HS3ST4: variants seen among roughly 807,000 people sequenced by gnomAD.
HS3ST4 encodes heparan sulfate glucosamine 3-O-sulfotransferase 4.
A neutral mutation model predicts 29.2 loss-of-function variants in HS3ST4; 17 were observed. The observed-to-expected ratio is 0.58, with a 90% CI of 0.40 to 0.87. HS3ST4 has a LOEUF of 0.87. Among genes scored for constraint, HS3ST4 ranks in the 40% least tolerant of loss-of-function variants. The pLI, the probability that HS3ST4 is intolerant of heterozygous loss-of-function variation, is 0.00. For synonymous variants in HS3ST4, 314 were observed against 285.7 expected, an observed-to-expected ratio of 1.10 and a Z score of -1.00; for missense variants, 627 against 634.5, an observed-to-expected ratio of 0.99 and a Z score of 0.13.
At chr16:25,822,377 C>G (rs1405570660) in intron 1 of HS3ST4, among the ~76,000 whole-genome samples, 1 of 152,142 alleles carries the variant, frequency 6.6e-6, no homozygotes, top group African/African-American at 2.4e-5. Flanking sequence ...AACGCCTCAC[C>G]TCTTAATACT....
At chr16:25,915,587 T>C (rs1386631459) in intron 1 of HS3ST4, among the ~76,000 whole-genome samples, 1 of 152,204 alleles carries the variant, frequency 6.6e-6, no homozygotes, top group African/African-American at 2.4e-5. Context: ...TTCCTGTCCA[T>C]CATCATATCA....
At chr16:25,793,492 G>T (rs1966874923) in intron 1 of HS3ST4, among the ~76,000 whole-genome samples, 2 of 151,912 alleles carry the variant, frequency 1.3e-5, no homozygotes, top group Admixed American at 1.3e-4. Flanking sequence ...TAGAATGCTT[G>T]TATCTTCCAG....
At chr16:25,936,943 G>C (rs544344277) in intron 1 of HS3ST4, among the ~76,000 whole-genome samples, 13 of 152,302 alleles carry the variant, frequency 8.5e-5, no homozygotes, top group Admixed American at 8.5e-4. Flanking sequence ...AGATATTTGT[G>C]CTTTGTACCA....
intron 1 of HS3ST4, among the ~76,000 whole-genome samples, chr16:25,772,643 A>G (rs1966843980): frequency 6.6e-6 from 1 of 152,220 alleles, no homozygotes; most frequent in Non-Finnish European, 1.5e-5. Flanking sequence ...GGAAATACAC[A>G]CTGTAAAAGT....
At chr16:25,773,845 A>G (rs1966845093) in intron 1 of HS3ST4, among the ~76,000 whole-genome samples, 1 of 152,110 alleles carries the variant, frequency 6.6e-6, no homozygotes, top group African/African-American at 2.4e-5. Context: ...ACTACTCTGT[A>G]TGCCCCTGTG....
intron 1 of HS3ST4, among the ~76,000 whole-genome samples, chr16:25,873,416 A>AT (rs759269527): frequency 0.31 from 40,693 of 131,310 alleles, 6,244 homozygotes; most frequent in East Asian, 0.48. Context: ...CCATCCATCC[A>AT]CCCATCCATC....
At chr16:25,736,246 G>T (rs1966609009) in intron 1 of HS3ST4, among the ~76,000 whole-genome samples, 1 of 152,210 alleles carries the variant, frequency 6.6e-6, no homozygotes, top group South Asian at 2.1e-4. Context: ...TGTTTTTGAG[G>T]CTATGACCAC....
At chr16:25,913,822 C>CG (rs1968263614) in intron 1 of HS3ST4, among the ~76,000 whole-genome samples, 1 of 130,138 alleles carries the variant, frequency 7.7e-6, no homozygotes, top group Admixed American at 7.5e-5. Context: ...TGTGTGTGCA[C>CG]GGGGGAGGTG....
At chr16:26,016,616 T>A (rs1969364438) in intron 1 of HS3ST4, among the ~76,000 whole-genome samples, 1 of 152,212 alleles carries the variant, frequency 6.6e-6, no homozygotes, top group Admixed American at 6.5e-5. Context: ...TCTGACACAA[T>A]TTGTACTTAC....
chr16:26,046,530 C>T (rs939874662), intron 1 of HS3ST4, among the ~76,000 whole-genome samples: 1 of 152,018 alleles, frequency 6.6e-6, no homozygotes, highest in Admixed American at 6.6e-5. Flanking sequence ...TCTTTATTTA[C>T]CTGTGGACCC....
intron 1 of HS3ST4, among the ~76,000 whole-genome samples, chr16:26,078,191 A>G (rs1228254989): frequency 2.0e-5 from 3 of 152,110 alleles, no homozygotes; most frequent in Non-Finnish European, 4.4e-5. Context: ...CTCAGGCTGG[A>G]GTGCAGTGGC....
At chr16:25,869,052 G>T (rs1196325641) in intron 1 of HS3ST4, among the ~76,000 whole-genome samples, 8 of 152,044 alleles carry the variant, frequency 5.3e-5, no homozygotes, top group African/African-American at 1.9e-4. Context: ...TTGTTAAATG[G>T]TATTTAATGT....
At chr16:25,733,180 A>G (rs1966583206) in intron 1 of HS3ST4, among the ~76,000 whole-genome samples, 1 of 152,082 alleles carries the variant, frequency 6.6e-6, no homozygotes, top group African/African-American at 2.4e-5. Context: ...AAACACATGC[A>G]TCTTATTTTG....
chr16:25,967,235 C>T (rs1037272216), intron 1 of HS3ST4, among the ~76,000 whole-genome samples: 8 of 152,154 alleles, frequency 5.3e-5, no homozygotes, highest in Admixed American at 1.3e-4. Flanking sequence ...CTCACTGCAA[C>T]GTCCACCTCC....
intron 1 of HS3ST4, among the ~76,000 whole-genome samples, chr16:26,073,158 G>C (rs543323359): frequency 6.6e-6 from 1 of 152,252 alleles, no homozygotes; most frequent in East Asian, 1.9e-4. Context: ...CTCTGTGCCT[G>C]ACAATGTGCT....
intron 1 of HS3ST4, among the ~76,000 whole-genome samples, chr16:26,099,850 G>A (rs575159716): frequency 3.3e-4 from 50 of 152,090 alleles, no homozygotes; most frequent in Non-Finnish European, 5.9e-4. Context: ...TATCAGTGGT[G>A]ATAAGTATTA....
intron 1 of HS3ST4, among the ~76,000 whole-genome samples, chr16:25,798,581 C>G (rs1966903450): frequency 6.6e-6 from 1 of 152,168 alleles, no homozygotes; most frequent in Admixed American, 6.5e-5. Flanking sequence ...ATGGACCATT[C>G]TGATGCTAAT....
At chr16:25,857,919 CCTTTCTTTCTTT>C (rs1269887450) in intron 1 of HS3ST4, among the ~76,000 whole-genome samples, 60 of 58,080 alleles carry the variant, frequency 1.0e-3, no homozygotes, top group African/African-American at 2.5e-3. Flanking sequence ...TTCCTTCCTT[CCTTTCTTTCTTT>C]CTTTCTTTCT....
intron 1 of HS3ST4, among the ~76,000 whole-genome samples, chr16:26,055,855 A>T (rs528568447): frequency 6.6e-6 from 1 of 152,198 alleles, no homozygotes; most frequent in East Asian, 1.9e-4. Context: ...GATGGATTTG[A>T]TTCATTTGGG....
Sources: gnomAD v4.1 joint callset for allele counts (sites outside exome capture counted in the v4.1 genomes callset) on GRCh38, gnomAD v4.1.1 for gene constraint, MANE v1.5 for transcripts, NCBI Gene and HGNC (gene_info 2026-07-23, HGNC 2026-07-21) for gene names.